Variants in ARSG observed in about 807,000 individuals in gnomAD.
The protein encoded by ARSG is arylsulfatase G.
ARSG carries 37 observed loss-of-function variants against 50.5 expected under a neutral mutation model. That is an observed-to-expected ratio of 0.73 (90% CI 0.56 to 0.96). The LOEUF (loss-of-function observed/expected upper bound fraction) is 0.96, where lower values mean the gene tolerates loss of function less well. Among genes scored for constraint, ARSG ranks in the 50% least tolerant of loss-of-function variants. The probability of loss-of-function intolerance (pLI) is 0.00; values close to 1 mark genes in which losing one functional copy is unlikely to be tolerated. For synonymous variants in ARSG, 225 were observed against 254.6 expected, an observed-to-expected ratio of 0.88 and a Z score of 1.11; for missense variants, 629 against 675.3, an observed-to-expected ratio of 0.93 and a Z score of 0.76.
the ARSG span, among the ~76,000 whole-genome samples, chr17:68,442,032 A>G: frequency 6.6e-6 from 1 of 152,198 alleles, no homozygotes; most frequent in African/African-American, 2.4e-5. Flanking sequence ...TTTACAAACA[A>G]TATACACTGT....
At chr17:68,434,697 AGTTT>A in the ARSG span, 1 of 1,520,508 alleles carries the variant, frequency 6.6e-7, no homozygotes, top group Non-Finnish European at 9.0e-7. Flanking sequence ...TTTAGAGAGG[AGTTT>A]GTTTTATTGG....
chr17:68,378,837 GGTT>G lies in ARSG; in HGVS notation c.983-6223_983-6221del, dbSNP rs1453801133. On this transcript the variant is annotated intron_variant, in intron 8 of 11. Coordinates refer to ENST00000621439, the MANE Select transcript of ARSG (RefSeq NM_001267727.2). The surrounding 1 kb of genome is among the most constrained non-coding windows in gnomAD (Gnocchi z 4.4). ...GGCATCCAGGCTCCTAGGAGACCTT[GGTT>G]GTTTGTAATTTGATGCTATCAGGTT... Among the ~76,000 whole-genome samples the G allele has an allele frequency of 2.6e-5, 4 of 151,678 alleles. No individual in the cohort carries two copies. The highest frequency in any genetic ancestry group is 9.7e-5 in the African/African-American group (4 of 41,248).
intron 2 of ARSG, among the ~76,000 whole-genome samples, chr17:68,322,695 C>T (rs911112632): frequency 1.1e-4 from 16 of 151,794 alleles, no homozygotes; most frequent in Admixed American, 7.9e-4. Context: ...AACAAGCCCA[C>T]GGGGAGATTA....
Position 68,365,968 on chromosome 17 carries a change from C to T in ARSG, c.705-2580C>T, listed in dbSNP as rs565727162. Among the ~76,000 whole-genome samples, 5 of 152,004 alleles carry T rather than the reference C, an allele frequency of 3.3e-5. No homozygotes were observed. The South Asian group carries it at 6.2e-4, about 19-fold the overall frequency. On this transcript the variant is annotated intron_variant, in intron 6 of 11. Transcript: ENST00000621439. ...TTATTTTTTTTTTGAGACAGAGTCT[C>T]GCTCTGTCGCCCAGGCTGGAGTGCA...
At position 68,401,460 on chromosome 17, in the gene ARSG, G is replaced by A. The variant is rs2081467570; in HGVS notation, c.1303+10G>A. ...GCCTTCTACATTACCGGTGAGTGAG[G>A]GGCCACTTAGCCCTGCCTCCCACAG... On this transcript the variant is annotated intron_variant, in intron 11 of 11. Coordinates refer to ENST00000621439, the MANE Select transcript of ARSG (RefSeq NM_001267727.2). 6.5e-7 allele frequency: 1 copy of A among 1,549,232 alleles called. No individual in the cohort carries two copies. The highest frequency in any genetic ancestry group is 1.4e-5 in the African/African-American group (1 of 73,422).
At chr17:68,436,596 G>T in the ARSG span, 1 of 878,266 alleles carries the variant, frequency 1.1e-6, no homozygotes, top group South Asian at 1.7e-5. Context: ...GGGGAGGAAT[G>T]GCTTTGCAGA....
At chr17:68,401,213 G>C in intron 10 of ARSG, 147 bp from the exon 11 acceptor site, 1 of 665,520 alleles carries the variant, frequency 1.5e-6, no homozygotes, top group Admixed American at 2.5e-5. Context: ...TTGTAGGGAG[G>C]GGTCTTGCTG....
At chr17:68,306,315 C>T (rs782191160) in intron 1 of ARSG, among the ~76,000 whole-genome samples, 1 of 152,046 alleles carries the variant, frequency 6.6e-6, no homozygotes, top group South Asian at 2.1e-4. Context: ...ATTTCTTGAA[C>T]CCGGGAGGCG....
intron 1 of ARSG, among the ~76,000 whole-genome samples, chr17:68,261,236 CATTCAACAAT>C (rs1449863352): frequency 6.6e-6 from 1 of 152,082 alleles, no homozygotes; most frequent in African/African-American, 2.4e-5. Context: ...TGTATTTTTT[CATTCAACAAT>C]ATTCATGGAG....
chr17:68,435,834 G>A, the ARSG span: 655 of 874,344 alleles, frequency 7.5e-4, 1 homozygote, highest in African/African-American at 9.6e-3. Flanking sequence ...CTCTTCCTCT[G>A]TCCCCCAGGC....
intron 2 of ARSG, among the ~76,000 whole-genome samples, chr17:68,316,668 C>T (rs1351619905): frequency 6.6e-6 from 1 of 152,124 alleles, no homozygotes; most frequent in Non-Finnish European, 1.5e-5. Context: ...AATAATGGCA[C>T]CTACATCACA....
the ARSG span, chr17:68,444,417 G>A: frequency 3.6e-6 from 5 of 1,375,878 alleles, no homozygotes; most frequent in South Asian, 6.2e-5. Context: ...TTCGCAATTT[G>A]GAGGAAAATA....
chr17:68,293,428 A>G (rs564116740), intron 1 of ARSG, among the ~76,000 whole-genome samples: 4 of 152,258 alleles, frequency 2.6e-5, no homozygotes, highest in African/African-American at 4.8e-5. Context: ...GAGTGAATGA[A>G]TGATTGGAAA....
chr17:68,437,948 T>TAAAAAAAA, the ARSG span, among the ~76,000 whole-genome samples: 21 of 78,800 alleles, frequency 2.7e-4, no homozygotes, highest in Admixed American at 8.9e-4. Flanking sequence ...ACATCTCTCT[T>TAAAAAAAA]AAAAAAAAAA....
chr17:68,348,019 G>T (rs1029020572), intron 4 of ARSG, among the ~76,000 whole-genome samples: 4 of 152,186 alleles, frequency 2.6e-5, no homozygotes, highest in Admixed American at 2.6e-4. Flanking sequence ...GACTTTCAGA[G>T]GGTTGGCCTG....
In ARSG at chr17:68,271,482, A is replaced by G; in HGVS notation, c.-552+12056A>G. 7 of 1,614,130 alleles carry G rather than the reference A, an allele frequency of 4.3e-6. No homozygotes were observed. Among genetic ancestry groups the G allele is most frequent in the Non-Finnish European group, 5.9e-6 (7 of 1,180,020 alleles). On this transcript the variant is annotated intron_variant, in intron 1 of 11. Coordinates refer to the ARSG transcript ENST00000448504. The surrounding 1 kb of genome is among the most constrained non-coding windows in gnomAD (Gnocchi z 5.3). Reference sequence around the variant, plus strand: ...TTGAGGTTCGTGTTTTCTCATTTTCAAGCATATACTGCGCTTCTTTCCGAT... The same window carrying G: ...TTGAGGTTCGTGTTTTCTCATTTTCGAGCATATACTGCGCTTCTTTCCGAT...
rs768424833 is a variant in ARSG at position 68,346,636 on chromosome 17, G to A, written c.407-489G>A. ...TCTGAGTTTCCTCATTTGCTGCCCC[G>A]TAGGTGTCTCGGTGCTTGAACTGCG... On this transcript the variant is annotated intron_variant, in intron 3 of 11. Transcript: ENST00000621439. 7.3e-5 allele frequency: 69 copies of A among 948,218 alleles called. 1 individual carries two copies. The South Asian group carries it at 8.6e-4, about 12-fold the overall frequency. The allele number at this position is 948,218 out of a possible 1,614,324, so 58.7% of individuals were successfully genotyped here. A position where few individuals can be genotyped will look rare whatever the true frequency, so the allele number is the denominator to read the frequency against.
chr17:68,448,486 T>C, the ARSG span: 1 of 152,132 alleles, frequency 6.6e-6, no homozygotes, highest in Admixed American at 6.5e-5. Flanking sequence ...CAGTGTTCTT[T>C]AGAAGGTGGG....
chr17:68,309,923 G>A (rs1555766088), intron 2 of ARSG, among the ~76,000 whole-genome samples: 2 of 151,376 alleles, frequency 1.3e-5, no homozygotes, highest in Non-Finnish European at 2.9e-5. Context: ...AGAATTATAA[G>A]CAAATAGCTT....
Sources: allele counts gnomAD v4.1 joint callset (sites outside exome capture counted in the v4.1 genomes callset), GRCh38; gene constraint gnomAD v4.1.1; non-coding constraint Gnocchi (gnomAD v3.1); transcripts MANE v1.5; gene names NCBI Gene and HGNC (gene_info 2026-07-23, HGNC 2026-07-21).